Variants in CELF5 observed in about 807,000 individuals in gnomAD.
The protein encoded by CELF5 is CUGBP Elav-like family member 5.
CELF5 carries 6 observed loss-of-function variants against 54.9 expected under a neutral mutation model. That is an observed-to-expected ratio of 0.11 (90% CI 0.06 to 0.22). CELF5 has a LOEUF of 0.22. Ranked by LOEUF, CELF5 falls within the 10% of genes least tolerant of loss-of-function variation. The pLI is 1.00. For synonymous variants in CELF5, 271 were observed against 290.9 expected (o/e 0.93, Z 0.70); for missense variants, 401 against 678.6 (o/e 0.59, Z 4.54).
At position 3,278,986 on chromosome 19, in the gene CELF5, G is replaced by A. The variant is rs1013853592; in HGVS notation, c.603+876G>A. ...GCCTGGACTTTCTCCTAGGGCAGTG[G>A]GGAGCCACAGACGGTTTAGAGCAAG... On this transcript the variant is annotated intron_variant, in intron 5 of 12. Transcript: ENST00000292672. This position sits in a 1 kb window ranked among gnomAD's most constrained non-coding sequence, Gnocchi z 4.5. 2.0e-5 allele frequency among the ~76,000 whole-genome samples: 3 copies of A among 152,166 alleles called. No individual in the cohort carries two copies. Among genetic ancestry groups the A allele is most frequent in the Non-Finnish European group, 4.4e-5 (3 of 68,018 alleles).
rs983609094 is a variant in CELF5, at chr19:3,228,561, T to A, written c.259+3563T>A. Among the ~76,000 whole-genome samples, 7 of 151,554 alleles carry A rather than the reference T, an allele frequency of 4.6e-5. No homozygotes were observed. Among genetic ancestry groups the A allele is most frequent in the African/African-American group, 1.7e-4 (7 of 41,216 alleles). ...TATGGTAATCGCATATACATTTGCATGTTAATGACAATATTTGTCTTAAAG... is the reference window on the plus strand; with the variant it reads ...TATGGTAATCGCATATACATTTGCAAGTTAATGACAATATTTGTCTTAAAG... On this transcript the variant is annotated intron_variant, in intron 1 of 12. Transcript: ENST00000292672. This position sits in a 1 kb window ranked among gnomAD's most constrained non-coding sequence, Gnocchi z 6.0.
In CELF5 at chr19:3,252,361, T is replaced by C. The variant is rs1274266821; in HGVS notation, c.342+1294T>C. On this transcript the variant is annotated intron_variant, in intron 2 of 12. Transcript: ENST00000292672. ...GATGAGTCTCTCCTGGTCAGCTTTG[T>C]CCTCTTTGGGTGGGCAGGAGGCCCC... Among the ~76,000 whole-genome samples the C allele has an allele frequency of 2.0e-5, 3 of 152,266 alleles. No individual in the cohort carries two copies. In the East Asian group the frequency reaches 5.8e-4, roughly 29 times the overall value.
intron 3 of CELF5, among the ~76,000 whole-genome samples, 179 bp downstream of exon 3, chr19:3,274,102 G>C (rs2080009402): frequency 6.6e-6 from 1 of 152,180 alleles, no homozygotes; most frequent in African/African-American, 2.4e-5. Flanking sequence ...CCTTTTGGTG[G>C]GGGGAGAAGC....
At chr19:3,227,488 G>A (rs1252849405) in intron 1 of CELF5, among the ~76,000 whole-genome samples, 1 of 152,046 alleles carries the variant, frequency 6.6e-6, no homozygotes, top group East Asian at 1.9e-4. Flanking sequence ...GGCCTGGAGA[G>A]AAATCCCTTT....
rs962138678 is a variant in CELF5, at chr19:3,228,256, C to T, written c.259+3258C>T. 3.3e-5 allele frequency among the ~76,000 whole-genome samples: 5 copies of T among 152,006 alleles called. No homozygotes were observed. In the South Asian group the frequency reaches 1.0e-3, roughly 32 times the overall value. ...GAGATGCAGGCCCACAGGAAGACCA[C>T]AAGCCTGCTCCTGCCAGAACTCCGC... On this transcript the variant is annotated intron_variant, in intron 1 of 12. Coordinates refer to ENST00000292672, the MANE Select transcript of CELF5 (RefSeq NM_021938.4). The surrounding 1 kb of genome is among the most constrained non-coding windows in gnomAD (Gnocchi z 6.0).
chr19:3,247,767 T>A (rs4806918), intron 1 of CELF5, among the ~76,000 whole-genome samples: 49,782 of 151,088 alleles, frequency 0.33, 8,891 homozygotes, highest in East Asian at 0.77. Context: ...CGTTAAAAAA[T>A]TTTTTTTTAA....
chr19:3,287,074 C>G (rs2080265221), intron 10 of CELF5, among the ~76,000 whole-genome samples: 1 of 150,906 alleles, frequency 6.6e-6, no homozygotes, highest in Admixed American at 6.6e-5. Flanking sequence ...GAAAAAAATC[C>G]CAAGCTGGTA....
intron 2 of CELF5, among the ~76,000 whole-genome samples, chr19:3,267,019 C>G (rs2079891813): frequency 6.6e-6 from 1 of 152,138 alleles, no homozygotes; most frequent in African/African-American, 2.4e-5. Context: ...ACCGAGACAG[C>G]CACCATCTCT....
intron 1 of CELF5, among the ~76,000 whole-genome samples, chr19:3,247,580 C>T (rs929836493): frequency 1.3e-5 from 2 of 150,242 alleles, no homozygotes; most frequent in Admixed American, 6.6e-5. Flanking sequence ...TATGTCTCGA[C>T]CCAAGACATA....
chr19:3,237,521 C>T (rs1466804661), intron 1 of CELF5, among the ~76,000 whole-genome samples: 1 of 151,998 alleles, frequency 6.6e-6, no homozygotes, highest in Non-Finnish European at 1.5e-5. Context: ...GCAGACGTTG[C>T]CATGGCGTTT....
chr19:3,259,450 G>T (rs959455534), intron 2 of CELF5, among the ~76,000 whole-genome samples: 1 of 151,808 alleles, frequency 6.6e-6, no homozygotes, highest in Admixed American at 6.6e-5. Context: ...GTGCCCGGGG[G>T]AGAGATCCTG....
chr19:3,282,284 C>T lies in CELF5; in HGVS notation c.892+17C>T, dbSNP rs199633188. The T allele has an allele frequency of 6.6e-5, 106 of 1,610,664 alleles. No individual in the cohort carries two copies. In the African/African-American group the frequency reaches 1.3e-3, roughly 20 times the overall value. ...CTGCCTCTGGTGAGCCTCCTCCAGGCACCCAAGGATGGGTGGGCAGGGCTG... is the reference window on the plus strand; with the variant it reads ...CTGCCTCTGGTGAGCCTCCTCCAGGTACCCAAGGATGGGTGGGCAGGGCTG... On this transcript the variant is annotated intron_variant, in intron 7 of 12. Transcript: ENST00000292672. This position sits in a 1 kb window ranked among gnomAD's most constrained non-coding sequence, Gnocchi z 5.2.
intron 2 of CELF5, among the ~76,000 whole-genome samples, chr19:3,254,277 T>C (rs8104616): frequency 0.2 from 30,312 of 151,524 alleles, 3,461 homozygotes; most frequent in East Asian, 0.54. Context: ...TCCATGCACC[T>C]TTCCATCCAC....
At chr19:3,274,983 T>C (rs541921379) in intron 3 of CELF5, among the ~76,000 whole-genome samples, 5 of 152,154 alleles carry the variant, frequency 3.3e-5, no homozygotes, top group African/African-American at 1.2e-4. Flanking sequence ...TCTCTCTGTC[T>C]CTCACAGTCT....
intron 1 of CELF5, chr19:3,225,480 C>CCCA: frequency 1.5e-6 from 1 of 670,802 alleles, no homozygotes; most frequent in Non-Finnish European, 1.8e-6. Context: ...CCCCCACCCC[C>CCCA]ATTCATTCAG....
chr19:3,264,509 G>T (rs1254869120), intron 2 of CELF5, among the ~76,000 whole-genome samples: 4 of 148,350 alleles, frequency 2.7e-5, no homozygotes, highest in Admixed American at 6.8e-5. Context: ...TTGGCCTCCC[G>T]GGTTCACGCT....
chr19:3,266,425 CAAA>C (rs551400047), intron 2 of CELF5, among the ~76,000 whole-genome samples: 1 of 129,812 alleles, frequency 7.7e-6, no homozygotes, highest in Non-Finnish European at 1.7e-5. Flanking sequence ...CCAGTACAAA[CAAA>C]AAAAAAAAAA....
chr19:3,229,442 C>G (rs773966455), intron 1 of CELF5, among the ~76,000 whole-genome samples: 1 of 152,220 alleles, frequency 6.6e-6, no homozygotes, highest in Non-Finnish European at 1.5e-5. Context: ...AAAACACACA[C>G]CAGCAGTGAC....
intron 2 of CELF5, among the ~76,000 whole-genome samples, chr19:3,262,309 A>G (rs1169516515): frequency 6.6e-6 from 1 of 152,122 alleles, no homozygotes; most frequent in Non-Finnish European, 1.5e-5. Flanking sequence ...GATTACAGGC[A>G]TGAGCCACCG....
Sources: gnomAD v4.1 joint callset for allele counts (sites outside exome capture counted in the v4.1 genomes callset) on GRCh38, gnomAD v4.1.1 for gene constraint, Gnocchi (gnomAD v3.1) non-coding constraint, MANE v1.5 for transcripts, NCBI Gene and HGNC (gene_info 2026-07-23, HGNC 2026-07-21) for gene names.